RINT1: variants seen among roughly 807,000 people sequenced by gnomAD.
RINT1 encodes the protein RAD50 interactor 1.
In RINT1, 75 loss-of-function variants were observed where a neutral mutation model predicts 97.7. The observed-to-expected ratio is 0.77, with a 90% CI of 0.64 to 0.93. The LOEUF (loss-of-function observed/expected upper bound fraction) is 0.93. RINT1 is among the 40% of genes least tolerant of loss of function. The pLI is 0.00. For synonymous variants in RINT1, 303 were observed against 326.3 expected (o/e 0.93, Z 0.77); for missense variants, 892 against 925.2 (o/e 0.96, Z 0.47).
rs141361018 is a variant in RINT1, at chr7:105,558,999, A to G, written c.1671+3772A>G. Among the ~76,000 whole-genome samples, 110 of 152,284 alleles carry G rather than the reference A, an allele frequency of 7.2e-4. No individual in the cohort carries two copies. The East Asian group carries it at 9.8e-3, about 14-fold the overall frequency. ...CATCATCCCTACCCTTAGAAAACGT[A>G]TAATCTCATGCTGAATTAACTAGGT... On this transcript the variant is annotated intron_variant, in intron 11 of 14. Coordinates refer to ENST00000257700, the MANE Select transcript of RINT1 (RefSeq NM_021930.6).
chr7:105,559,742 A>G (rs1216811440), intron 11 of RINT1, among the ~76,000 whole-genome samples: 1 of 152,100 alleles, frequency 6.6e-6, no homozygotes, highest in African/African-American at 2.4e-5. Flanking sequence ...AACAATAACT[A>G]TATAGTGCAA....
At chr7:105,559,162 A>G (rs1228036068) in intron 11 of RINT1, among the ~76,000 whole-genome samples, 1 of 152,042 alleles carries the variant, frequency 6.6e-6, no homozygotes. Context: ...TGGGAGGCCA[A>G]GGTGGGTGGA....
intron 4 of RINT1, among the ~76,000 whole-genome samples, chr7:105,544,635 A>G (rs929344270): frequency 2.0e-5 from 3 of 151,906 alleles, no homozygotes; most frequent in South Asian, 2.1e-4. Context: ...GGGTTTCACT[A>G]TGTTGGCTAG....
intron 6 of RINT1, among the ~76,000 whole-genome samples, chr7:105,547,850 C>T (rs1790740546): frequency 6.6e-6 from 1 of 151,584 alleles, no homozygotes; most frequent in Non-Finnish European, 1.5e-5. Flanking sequence ...GCCTCAGCCT[C>T]CCGAGTAGCT....
intron 4 of RINT1, among the ~76,000 whole-genome samples, chr7:105,545,121 T>C (rs1032203067): frequency 1.3e-5 from 2 of 152,126 alleles, no homozygotes; most frequent in Admixed American, 6.6e-5. Flanking sequence ...ATTCATACTT[T>C]AGTGTTGTGA....
At chr7:105,551,732 CTT>C (rs1281217214) in intron 10 of RINT1, 25 bp downstream of exon 10, 11 of 1,567,192 alleles carry the variant, frequency 7.0e-6, no homozygotes, top group Non-Finnish European at 8.7e-6. Flanking sequence ...TAAGATATGA[CTT>C]TGTTTTAAAA....
rs1268955099 is a variant in RINT1 at position 105,555,011 on chromosome 7, A to G, written c.1472-17A>G. 1 of 1,606,524 alleles carries G rather than the reference A, an allele frequency of 6.2e-7. No individual in the cohort carries two copies. The highest frequency in any genetic ancestry group is 8.5e-7 in the Non-Finnish European group (1 of 1,174,872). ...TGGTACCAAAACCTTCATATGTCTT[A>G]ATAACTTTTTCCACAGACAGGTATA... On this transcript the variant is annotated splice_polypyrimidine_tract_variant and intron_variant, in intron 10 of 14. Coordinates refer to ENST00000257700, the MANE Select transcript of RINT1 (RefSeq NM_021930.6).
intron 11 of RINT1, among the ~76,000 whole-genome samples, chr7:105,557,351 T>C (rs1025318970): frequency 6.6e-6 from 1 of 152,110 alleles, no homozygotes; most frequent in Non-Finnish European, 1.5e-5. Context: ...TGAAGATTAG[T>C]GATACATTCC....
chr7:105,546,450 T>C (rs961768657), intron 4 of RINT1, among the ~76,000 whole-genome samples: 2 of 152,082 alleles, frequency 1.3e-5, no homozygotes, highest in African/African-American at 4.8e-5. Flanking sequence ...GGCCTCAGGG[T>C]GGTGCTTTGT....
chr7:105,532,703 CAG>C, intron 1 of RINT1, 119 bp from the exon 2 acceptor site: 1 of 1,094,026 alleles, frequency 9.1e-7, no homozygotes. Flanking sequence ...CCTGGTCGCT[CAG>C]AAAGTGGGAG....
rs1790346019 is a variant in RINT1 at position 105,538,807 on chromosome 7, A to G, written c.273+2058A>G. ...ATGTGCAGTCATTTTTAACCTCTTC[A>G]TTCAGCAAAGGATCAGTCGAAGGCA... On this transcript the variant is annotated intron_variant, in intron 3 of 14. Coordinates refer to ENST00000257700, the MANE Select transcript of RINT1 (RefSeq NM_021930.6). Among the ~76,000 whole-genome samples, 6 of 152,188 alleles carry G rather than the reference A, an allele frequency of 3.9e-5. No individual in the cohort carries two copies. In the South Asian group the frequency reaches 1.2e-3, roughly 31 times the overall value.
At chr7:105,558,669 C>CA (rs1791294800) in intron 11 of RINT1, among the ~76,000 whole-genome samples, 1 of 152,158 alleles carries the variant, frequency 6.6e-6, no homozygotes, top group South Asian at 2.1e-4. Flanking sequence ...ACAAAAAATA[C>CA]AAAAAATTAG....
chr7:105,555,166 G>T lies in RINT1; in HGVS notation c.1610G>T (p.Cys537Phe). ...AGAGCTTCCCTTGGCTTTCGATACT[G>T]TGCAATTCTTAATGCTGTGAACTAC... ...ETRASLGFRY[C>F]AILNAVNYIS... The change falls in exon 11 of 15, where the codon TGT (cysteine) becomes TTT (phenylalanine). Residue 537 changes from cysteine to phenylalanine, a missense_variant. Cys to Phe is a radical substitution (Grantham distance 205, BLOSUM62 -2). Transcript: ENST00000257700. 1 of 1,614,076 alleles carries T rather than the reference G, an allele frequency of 6.2e-7. No individual in the cohort carries two copies. Among genetic ancestry groups the T allele is most frequent in the East Asian group, 2.2e-5 (1 of 44,850 alleles).
chr7:105,549,907 A>G, intron 7 of RINT1, 148 bp from the exon 8 acceptor site: 1 of 554,542 alleles, frequency 1.8e-6, no homozygotes, highest in Non-Finnish European at 3.2e-6. Flanking sequence ...AGGAGTTTAA[A>G]ATTTGGAGTA....
At position 105,563,954 on chromosome 7, in the gene RINT1, C is replaced by G. The variant is rs370729917; in HGVS notation, c.1886+7C>G. Reference sequence around the variant, plus strand: ...AATTGTATAAAAAAGAAAGGTATGTCCTCTATGTAAGTCAGCTCTTAACAC... The same window carrying G: ...AATTGTATAAAAAAGAAAGGTATGTGCTCTATGTAAGTCAGCTCTTAACAC... On this transcript the variant is annotated splice_region_variant and intron_variant, in intron 12 of 14. Coordinates refer to ENST00000257700, the MANE Select transcript of RINT1 (RefSeq NM_021930.6). 3.9e-5 allele frequency: 62 copies of G among 1,600,786 alleles called. No individual in the cohort carries two copies. The highest frequency in any genetic ancestry group is 4.7e-5 in the Non-Finnish European group (55 of 1,168,590).
chr7:105,558,139 AC>A (rs1791266429), intron 11 of RINT1, among the ~76,000 whole-genome samples: 1 of 151,838 alleles, frequency 6.6e-6, no homozygotes, highest in Non-Finnish European at 1.5e-5. Context: ...ACATGGTGAA[AC>A]CCTGTCTTTA....
intron 3 of RINT1, among the ~76,000 whole-genome samples, chr7:105,540,177 T>C (rs945610272): frequency 6.6e-6 from 1 of 151,646 alleles, no homozygotes; most frequent in South Asian, 2.1e-4. Flanking sequence ...CTTCCGGGTT[T>C]CAAGTGATTC....
At position 105,565,559 on chromosome 7, in the gene RINT1, A is replaced by C. The variant is rs1586273242; in HGVS notation, c.2097A>C (p.Gly699=). 3 of 1,613,956 alleles carry C rather than the reference A, an allele frequency of 1.9e-6. No individual in the cohort carries two copies. In the African/African-American group the frequency reaches 4.0e-5, roughly 22 times the overall value. Residue 699 remains glycine (G), a synonymous_variant, in exon 14 of 15, where the codon GGA becomes GGC. Coordinates refer to ENST00000257700, the MANE Select transcript of RINT1 (RefSeq NM_021930.6). ...EIILANHFNE[G]GAAQLQFDMT... ...TTCTTGCTAATCACTTCAATGAAGGAGGAGCAGCCCAGCTGCAGTTTGATA... is the reference window on the plus strand; with the variant it reads ...TTCTTGCTAATCACTTCAATGAAGGCGGAGCAGCCCAGCTGCAGTTTGATA...
intron 6 of RINT1, among the ~76,000 whole-genome samples, chr7:105,547,717 G>C (rs900923463): frequency 1.6e-5 from 2 of 123,054 alleles, no homozygotes; most frequent in African/African-American, 6.4e-5. Context: ...CCATTTTTGT[G>C]CTTTTTTTTT....
Sources: allele counts gnomAD v4.1 joint callset (sites outside exome capture counted in the v4.1 genomes callset), GRCh38; gene constraint gnomAD v4.1.1; transcripts MANE v1.5; gene names NCBI Gene and HGNC (gene_info 2026-07-23, HGNC 2026-07-21).